HS3ST5: variants seen among roughly 807,000 people sequenced by gnomAD.
HS3ST5 encodes heparan sulfate-glucosamine 3-sulfotransferase 5.
A neutral mutation model predicts 25.4 loss-of-function variants in HS3ST5; 10 were observed. That is an observed-to-expected ratio of 0.39 (90% CI 0.24 to 0.67). The LOEUF (loss-of-function observed/expected upper bound fraction) is 0.67, where lower values mean the gene tolerates loss of function less well. Ranked by LOEUF, HS3ST5 falls within the 30% of genes least tolerant of loss-of-function variation. The pLI, the probability that HS3ST5 is intolerant of heterozygous loss-of-function variation, is 0.44. For synonymous variants in HS3ST5, 170 were observed against 162.4 expected, an observed-to-expected ratio of 1.05 and a Z score of -0.36; for missense variants, 324 against 420.7, an observed-to-expected ratio of 0.77 and a Z score of 2.01.
chr6:114,242,454 C>G (rs976671756), intron 1 of HS3ST5, among the ~76,000 whole-genome samples: 1 of 152,098 alleles, frequency 6.6e-6, no homozygotes, highest in Non-Finnish European at 1.5e-5. Context: ...AGAGCTGACA[C>G]TACCTAAATG....
chr6:114,128,116 C>T (rs147812549), intron 3 of HS3ST5, among the ~76,000 whole-genome samples: 1 of 152,160 alleles, frequency 6.6e-6, no homozygotes, highest in East Asian at 1.9e-4. Flanking sequence ...GAACAAAGAC[C>T]TGAGCCTCTA....
At chr6:114,300,753 A>G (rs1373657988) in intron 1 of HS3ST5, among the ~76,000 whole-genome samples, 3 of 152,216 alleles carry the variant, frequency 2.0e-5, no homozygotes, top group Admixed American at 2.0e-4. Flanking sequence ...TAGAAACACA[A>G]ATACTTACAA....
chr6:114,209,302 A>G (rs114834981), intron 2 of HS3ST5, among the ~76,000 whole-genome samples: 2 of 152,026 alleles, frequency 1.3e-5, no homozygotes, highest in Non-Finnish European at 2.9e-5. Flanking sequence ...TTAAATTTTT[A>G]AAAAATGTGC....
At chr6:114,184,206 C>T (rs566845428) in intron 2 of HS3ST5, among the ~76,000 whole-genome samples, 7 of 151,888 alleles carry the variant, frequency 4.6e-5, no homozygotes, top group Admixed American at 4.6e-4. Context: ...GATTTCTAAG[C>T]AAAGTGTTTA....
chr6:114,272,275 G>A (rs1246899723), intron 1 of HS3ST5, among the ~76,000 whole-genome samples: 2 of 152,046 alleles, frequency 1.3e-5, no homozygotes, highest in Non-Finnish European at 2.9e-5. Context: ...TCCCTTTGAG[G>A]AGTGTTCATT....
intron 1 of HS3ST5, among the ~76,000 whole-genome samples, chr6:114,234,123 T>C (rs1771743853): frequency 6.6e-6 from 1 of 152,066 alleles, no homozygotes; most frequent in Admixed American, 6.6e-5. Context: ...ACGATGCAAA[T>C]TTTGTGCCTG....
intron 2 of HS3ST5, among the ~76,000 whole-genome samples, chr6:114,219,989 G>A (rs1314272666): frequency 6.6e-6 from 1 of 152,038 alleles, no homozygotes; most frequent in Non-Finnish European, 1.5e-5. Flanking sequence ...GACTTTAGTT[G>A]TTTACAGCTT....
At chr6:114,083,703 C>T (rs905915340) in intron 3 of HS3ST5, among the ~76,000 whole-genome samples, 11 of 152,110 alleles carry the variant, frequency 7.2e-5, no homozygotes, top group African/African-American at 2.7e-4. Flanking sequence ...TGTTTGGGAT[C>T]CACTAGGTTT....
intron 1 of HS3ST5, chr6:114,235,678 T>C (rs1771824111): frequency 6.6e-6 from 1 of 152,242 alleles, no homozygotes; most frequent in Admixed American, 6.5e-5. Flanking sequence ...CTAGAGTCTT[T>C]GGAACGTGGT....
chr6:114,229,677 T>C (rs1771481936), intron 1 of HS3ST5, among the ~76,000 whole-genome samples: 1 of 152,226 alleles, frequency 6.6e-6, no homozygotes, highest in Admixed American at 6.5e-5. Context: ...TTTGGGCTCA[T>C]AAGCTATAAG....
At chr6:114,239,459 G>C (rs763655448) in intron 1 of HS3ST5, among the ~76,000 whole-genome samples, 74 of 152,176 alleles carry the variant, frequency 4.9e-4, no homozygotes, top group Admixed American at 1.6e-3. Context: ...ATTGTGATGG[G>C]GTTTCCTTGG....
At chr6:114,068,918 A>T (rs1027421275) in intron 3 of HS3ST5, among the ~76,000 whole-genome samples, 15 of 152,220 alleles carry the variant, frequency 9.9e-5, no homozygotes, top group Non-Finnish European at 1.8e-4. Context: ...AACAAAGCAG[A>T]GTATCTAAAT....
chr6:114,289,685 C>T (rs1015920123), intron 1 of HS3ST5, among the ~76,000 whole-genome samples: 2 of 152,078 alleles, frequency 1.3e-5, no homozygotes, highest in African/African-American at 4.8e-5. Context: ...CTCAGGAAGA[C>T]TGTAAAGAAA....
intron 3 of HS3ST5, among the ~76,000 whole-genome samples, chr6:114,127,732 G>A (rs1335268761): frequency 6.6e-6 from 1 of 151,820 alleles, no homozygotes; most frequent in Non-Finnish European, 1.5e-5. Context: ...ACATACAAAT[G>A]AAATATTCAC....
chr6:114,341,896 C>A (rs1776895356), intron 1 of HS3ST5, among the ~76,000 whole-genome samples: 1 of 152,130 alleles, frequency 6.6e-6, no homozygotes, highest in Non-Finnish European at 1.5e-5. Context: ...CTACCCAGCG[C>A]TCTGGGAGAG....
At chr6:114,135,642 G>C (rs1777559178) in intron 3 of HS3ST5, among the ~76,000 whole-genome samples, 1 of 152,194 alleles carries the variant, frequency 6.6e-6, no homozygotes, top group Non-Finnish European at 1.5e-5. Context: ...TAGGTCAGAT[G>C]TCATCTTTTT....
intron 2 of HS3ST5, among the ~76,000 whole-genome samples, chr6:114,212,760 G>C (rs1781561644): frequency 6.6e-6 from 1 of 152,142 alleles, no homozygotes; most frequent in African/African-American, 2.4e-5. Flanking sequence ...CTTCACTCTA[G>C]TTAGTAAGTT....
chr6:114,278,594 G>A (rs996722115), intron 1 of HS3ST5, among the ~76,000 whole-genome samples: 7 of 151,894 alleles, frequency 4.6e-5, no homozygotes, highest in African/African-American at 1.2e-4. Flanking sequence ...TAAATCTCCA[G>A]GGTTTTAATT....
At chr6:114,256,018 T>A (rs1391476438) in intron 1 of HS3ST5, among the ~76,000 whole-genome samples, 1 of 152,166 alleles carries the variant, frequency 6.6e-6, no homozygotes, top group African/African-American at 2.4e-5. Context: ...TATCACATCG[T>A]CAGGCTGCAA....
Sources: gnomAD v4.1 joint callset for allele counts (sites outside exome capture counted in the v4.1 genomes callset) on GRCh38, gnomAD v4.1.1 for gene constraint, MANE v1.5 for transcripts, NCBI Gene and HGNC (gene_info 2026-07-23, HGNC 2026-07-21) for gene names.